MAP3K4: variants seen among roughly 807,000 people sequenced by gnomAD.
MAP3K4 encodes the protein mitogen-activated protein kinase kinase kinase 4.
Under a neutral mutation model 185.6 loss-of-function variants are expected in MAP3K4, and 67 were observed. The ratio of observed to expected loss-of-function variants is 0.36; its 90% CI spans 0.30 to 0.44. The LOEUF is 0.44. Among genes scored for constraint, MAP3K4 ranks in the 20% least tolerant of loss-of-function variants. The probability of loss-of-function intolerance (pLI) is 1.00; values close to 1 mark genes in which losing one functional copy is unlikely to be tolerated. For missense variants in MAP3K4, 1,551 were observed against 1,995.1 expected, an observed-to-expected ratio of 0.78 and a Z score of 4.24; for synonymous variants, 702 against 710.4, an observed-to-expected ratio of 0.99 and a Z score of 0.19.
rs190442557 is a variant in MAP3K4 at position 161,112,050 on chromosome 6, A to T, written c.4519+92A>T. On this transcript the variant is annotated intron_variant, in intron 24 of 26. Transcript: ENST00000392142. This position sits in a 1 kb window ranked among gnomAD's most constrained non-coding sequence, Gnocchi z 5.1. The stretch of plus-strand genomic sequence containing the variant: ...CCTTCACCTTTGTTTGTCAGTAGAG[A>T]TGGGAGAGCAGGTAAAGGTTTTCAG... 8.4e-5 allele frequency: 128 copies of T among 1,515,788 alleles called. No homozygotes were observed. In the African/African-American group the frequency reaches 1.6e-3, roughly 19 times the overall value. The allele number at this position is 1,515,788 out of a possible 1,614,324, so 93.9% of individuals were successfully genotyped here.
rs1353120172 is a variant in MAP3K4 at position 161,116,119 on chromosome 6, G to T, written c.4807-731G>T. On this transcript the variant is annotated intron_variant, in intron 26 of 26. Coordinates refer to ENST00000392142, the MANE Select transcript of MAP3K4 (RefSeq NM_005922.4). The surrounding 1 kb of genome is among the most constrained non-coding windows in gnomAD (Gnocchi z 6.2). ...GGATGTGAAAGGTGAGTGAGGGGAG[G>T]AGTCTAGAGTGGCTCCCAGGTTTCT... Among the ~76,000 whole-genome samples the T allele has an allele frequency of 1.3e-5, 2 of 152,028 alleles. No individual in the cohort carries two copies. Among genetic ancestry groups the T allele is most frequent in the Non-Finnish European group, 2.9e-5 (2 of 67,992 alleles).
At position 161,006,689 on chromosome 6, in the gene MAP3K4, A is replaced by G. The variant is rs147492941; in HGVS notation, c.152+14606A>G. On this transcript the variant is annotated intron_variant, in intron 1 of 26. Transcript: ENST00000392142. ...TATAACCTATTTGAGAATATCATCT[A>G]AAGGTAGGAACATATACAGAATATA... 6.0e-4 allele frequency among the ~76,000 whole-genome samples: 92 copies of G among 152,342 alleles called. No homozygotes were observed. In the East Asian group the frequency reaches 0.016, roughly 27 times the overall value.
At chr6:161,036,885 C>G (rs959521119) in intron 2 of MAP3K4, among the ~76,000 whole-genome samples, 3 of 152,154 alleles carry the variant, frequency 2.0e-5, no homozygotes, top group Admixed American at 1.3e-4. Context: ...ATTTGTGGTG[C>G]TTACTCAGAA....
rs747424617 is a variant in MAP3K4 at position 161,098,475 on chromosome 6, C to T, written c.3674+48C>T. 2.7e-5 allele frequency: 43 copies of T among 1,570,872 alleles called. No homozygotes were observed. The highest frequency in any genetic ancestry group is 1.7e-4 in the Middle Eastern group (1 of 5,874). ...CCGTACCCTCACCACCCCTTACATG[C>T]GCTTACACAGCAACCATAGTGTTAG... On this transcript the variant is annotated intron_variant, in intron 17 of 26. Coordinates refer to ENST00000392142, the MANE Select transcript of MAP3K4 (RefSeq NM_005922.4). This position sits in a 1 kb window ranked among gnomAD's most constrained non-coding sequence, Gnocchi z 4.4.
rs776593731 is a variant in MAP3K4 at position 161,013,342 on chromosome 6, C to CT, written c.153-20913dup. 1.7e-3 allele frequency among the ~76,000 whole-genome samples: 262 copies of CT among 152,202 alleles called. 4 individuals are homozygous for CT. The highest frequency in any genetic ancestry group is 3.4e-3 in the Middle Eastern group (1 of 294). ...TATTTTGCAGCTTTTCTTCATGAGCCTTTTCTAAATTTAGGACAGTTATCC... is the reference window on the plus strand; with the variant it reads ...TATTTTGCAGCTTTTCTTCATGAGCCTTTTTCTAAATTTAGGACAGTTATCC... On this transcript the variant is annotated intron_variant, in intron 1 of 26. Coordinates refer to ENST00000392142, the MANE Select transcript of MAP3K4 (RefSeq NM_005922.4).
rs1173525423 is a variant in MAP3K4, at chr6:161,043,650, A to G, written c.344-4966A>G. 5.9e-5 allele frequency among the ~76,000 whole-genome samples: 9 copies of G among 152,204 alleles called. No homozygotes were observed. The highest frequency in any genetic ancestry group is 1.9e-4 in the East Asian group (1 of 5,190). ...TGGAAAATGGAAGCTGGATAAAGCAATTTCTCAAAATGTGGAGCCATTGTA... is the reference window on the plus strand; with the variant it reads ...TGGAAAATGGAAGCTGGATAAAGCAGTTTCTCAAAATGTGGAGCCATTGTA... On this transcript the variant is annotated intron_variant, in intron 2 of 26. Coordinates refer to ENST00000392142, the MANE Select transcript of MAP3K4 (RefSeq NM_005922.4). This position sits in a 1 kb window ranked among gnomAD's most constrained non-coding sequence, Gnocchi z 4.3.
chr6:161,115,614 G>A lies in MAP3K4; in HGVS notation c.4806+312G>A, dbSNP rs755364531. Among the ~76,000 whole-genome samples the A allele has an allele frequency of 6.6e-6, 1 of 152,148 alleles. No homozygotes were observed. Among genetic ancestry groups the A allele is most frequent in the Non-Finnish European group, 1.5e-5 (1 of 68,036 alleles). ...ATAGTCTACTTGGAGGGTCAAGACG[G>A]TAATGACTAATCATTATACTGAGAG... On this transcript the variant is annotated intron_variant, in intron 26 of 26. Coordinates refer to ENST00000392142, the MANE Select transcript of MAP3K4 (RefSeq NM_005922.4). This position sits in a 1 kb window ranked among gnomAD's most constrained non-coding sequence, Gnocchi z 6.0.
chr6:161,047,809 A>T (rs541844452), intron 2 of MAP3K4, among the ~76,000 whole-genome samples: 9 of 152,326 alleles, frequency 5.9e-5, no homozygotes, highest in African/African-American at 1.9e-4. Context: ...GCCATACAGG[A>T]TGTATGTGTG....
At chr6:161,090,282 G>A (rs1304450395) in intron 11 of MAP3K4, among the ~76,000 whole-genome samples, 2 of 152,222 alleles carry the variant, frequency 1.3e-5, no homozygotes, top group Non-Finnish European at 2.9e-5. Flanking sequence ...GTGTGCACTC[G>A]TGTGTAAGGG....
chr6:161,000,910 C>T (rs1020987450), intron 1 of MAP3K4, among the ~76,000 whole-genome samples: 2 of 147,826 alleles, frequency 1.4e-5, no homozygotes, highest in African/African-American at 2.5e-5. Flanking sequence ...TGTACACACA[C>T]ATATATAGTG....
At chr6:161,015,704 G>T (rs1782068096) in intron 1 of MAP3K4, among the ~76,000 whole-genome samples, 1 of 152,052 alleles carries the variant, frequency 6.6e-6, no homozygotes, top group Non-Finnish European at 1.5e-5. Flanking sequence ...GGGGCGGGGG[G>T]AAGGTGCCAG....
Position 161,053,333 on chromosome 6 carries a change from A to C in MAP3K4, c.1707+3354A>C, listed in dbSNP as rs909993852. Among the ~76,000 whole-genome samples, 1 of 152,208 alleles carries C rather than the reference A, an allele frequency of 6.6e-6. No individual in the cohort carries two copies. The highest frequency in any genetic ancestry group is 1.5e-5 in the Non-Finnish European group (1 of 68,034). On this transcript the variant is annotated intron_variant, in intron 3 of 26. Coordinates refer to ENST00000392142, the MANE Select transcript of MAP3K4 (RefSeq NM_005922.4). The surrounding 1 kb of genome is among the most constrained non-coding windows in gnomAD (Gnocchi z 4.2). Reference sequence around the variant, plus strand: ...CACCTCCCACCAGGCCCCACCCCCAACATTGGGGATTACTATTCAACATAG... The same window carrying C: ...CACCTCCCACCAGGCCCCACCCCCACCATTGGGGATTACTATTCAACATAG...
Position 161,074,084 on chromosome 6 carries a change from A to G in MAP3K4, c.2097+472A>G, listed in dbSNP as rs930978697. On this transcript the variant is annotated intron_variant, in intron 5 of 26. Transcript: ENST00000392142. The surrounding 1 kb of genome is among the most constrained non-coding windows in gnomAD (Gnocchi z 5.0). ...TGGGAGTGTTGAAGATCAACAAGAC[A>G]CTCGTAGTCTGGTGGGACTAGGCAT... Among the ~76,000 whole-genome samples the G allele has an allele frequency of 2.0e-5, 3 of 152,092 alleles. No individual in the cohort carries two copies. The highest frequency in any genetic ancestry group is 7.2e-5 in the African/African-American group (3 of 41,402).
In MAP3K4 at chr6:161,106,354, G is replaced by A. The variant is rs1014570930; in HGVS notation, c.3857-160G>A. Among the ~76,000 whole-genome samples, 3 of 152,168 alleles carry A rather than the reference G, an allele frequency of 2.0e-5. No individual in the cohort carries two copies. The highest frequency in any genetic ancestry group is 4.4e-5 in the Non-Finnish European group (3 of 68,030). On this transcript the variant is annotated intron_variant, in intron 19 of 26. Coordinates refer to ENST00000392142, the MANE Select transcript of MAP3K4 (RefSeq NM_005922.4). This position sits in a 1 kb window ranked among gnomAD's most constrained non-coding sequence, Gnocchi z 4.9. ...GGTGGCATATGCTGGAATGAGTAGCGTTTGAAGAACTTTAATTCACCTGCT... is the reference window on the plus strand; with the variant it reads ...GGTGGCATATGCTGGAATGAGTAGCATTTGAAGAACTTTAATTCACCTGCT...
Position 161,093,099 on chromosome 6 carries a change from G to T in MAP3K4, c.3348+43G>T, listed in dbSNP as rs1351393534. ...GTTTTTTTCATTATAAAATAAGCCAGTCACTCCTTATTTTCTGGTTGTATA... is the reference window on the plus strand; with the variant it reads ...GTTTTTTTCATTATAAAATAAGCCATTCACTCCTTATTTTCTGGTTGTATA... On this transcript the variant is annotated intron_variant, in intron 14 of 26. Coordinates refer to ENST00000392142, the MANE Select transcript of MAP3K4 (RefSeq NM_005922.4). This position sits in a 1 kb window ranked among gnomAD's most constrained non-coding sequence, Gnocchi z 5.2. 4 of 1,322,024 alleles carry T rather than the reference G, an allele frequency of 3.0e-6. No individual in the cohort carries two copies. The Admixed American group carries it at 7.3e-5, about 24-fold the overall frequency. 81.9% of individuals were successfully genotyped at this position (1,322,024 alleles called of 1,614,324 possible).
chr6:161,029,366 T>G (rs1782816363), intron 1 of MAP3K4, among the ~76,000 whole-genome samples: 2 of 152,208 alleles, frequency 1.3e-5, no homozygotes. Context: ...TTACCTAATA[T>G]GTCAGAGCAG....
rs540974767 is a variant in MAP3K4, at chr6:161,035,822, C to T, written c.343+1373C>T. Among the ~76,000 whole-genome samples, 3 of 152,266 alleles carry T rather than the reference C, an allele frequency of 2.0e-5. No homozygotes were observed. In the East Asian group the frequency reaches 5.8e-4, roughly 29 times the overall value. ...GTAAAGTAAGAAGATGCCGGTAGTACACTTGCTTTTTCTTGTTGATTCATA... is the reference window on the plus strand; with the variant it reads ...GTAAAGTAAGAAGATGCCGGTAGTATACTTGCTTTTTCTTGTTGATTCATA... On this transcript the variant is annotated intron_variant, in intron 2 of 26. Coordinates refer to ENST00000392142, the MANE Select transcript of MAP3K4 (RefSeq NM_005922.4).
rs931536971 is a variant in MAP3K4, at chr6:161,054,931, A to G, written c.1707+4952A>G. ...TTTGTGGACCCAGATACAATCCAAG[A>G]TCTTTTTTATATTTTCTCATTTATC... On this transcript the variant is annotated intron_variant, in intron 3 of 26. Transcript: ENST00000392142. The surrounding 1 kb of genome is among the most constrained non-coding windows in gnomAD (Gnocchi z 4.2). Among the ~76,000 whole-genome samples, 6 of 152,294 alleles carry G rather than the reference A, an allele frequency of 3.9e-5. No individual in the cohort carries two copies. The highest frequency in any genetic ancestry group is 3.9e-4 in the East Asian group (2 of 5,188).
chr6:161,100,854 G>T lies in MAP3K4; in HGVS notation c.3675-1038G>T, dbSNP rs1777811480. On this transcript the variant is annotated intron_variant, in intron 17 of 26. Coordinates refer to ENST00000392142, the MANE Select transcript of MAP3K4 (RefSeq NM_005922.4). This position sits in a 1 kb window ranked among gnomAD's most constrained non-coding sequence, Gnocchi z 5.8. ...ACCAGTGGTTTTCCCGTCAGATAGT[G>T]CCGAATTTTTTATGAACTATATGGC... 6.6e-6 allele frequency among the ~76,000 whole-genome samples: 1 copy of T among 152,060 alleles called. No individual in the cohort carries two copies. Among genetic ancestry groups the T allele is most frequent in the South Asian group, 2.1e-4 (1 of 4,818 alleles).
Sources: allele counts gnomAD v4.1 joint callset (sites outside exome capture counted in the v4.1 genomes callset), GRCh38; gene constraint gnomAD v4.1.1; non-coding constraint Gnocchi (gnomAD v3.1); transcripts MANE v1.5; gene names NCBI Gene and HGNC (gene_info 2026-07-23, HGNC 2026-07-21).